KLF12: variants seen among roughly 807,000 people sequenced by gnomAD.
KLF12 encodes KLF transcription factor 12.
Under a neutral mutation model 37.8 loss-of-function variants are expected in KLF12, and 9 were observed. That is an observed-to-expected ratio of 0.24 (90% confidence interval 0.14 to 0.42). KLF12 has a LOEUF of 0.42. KLF12 is among the 10% of genes least tolerant of loss of function. The pLI, the probability that KLF12 is intolerant of heterozygous loss-of-function variation, is 1.00. For missense variants in KLF12, 411 were observed against 516.0 expected (o/e 0.80, Z 1.97); for synonymous variants, 208 against 202.1 (o/e 1.03, Z -0.25).
At chr13:73,935,279 G>A (rs923093404) in intron 3 of KLF12, among the ~76,000 whole-genome samples, 6 of 152,050 alleles carry the variant, frequency 3.9e-5, no homozygotes, top group Admixed American at 1.3e-4. Flanking sequence ...ATGAGCCATC[G>A]TGCCCGGCCT....
intron 1 of KLF12, among the ~76,000 whole-genome samples, chr13:74,018,118 C>T (rs1346639998): frequency 1.3e-5 from 2 of 150,582 alleles, no homozygotes; most frequent in Admixed American, 6.6e-5. Flanking sequence ...AATATACACA[C>T]GATTCAGCCA....
At chr13:74,046,543 A>C (rs1893548533) in intron 1 of KLF12, among the ~76,000 whole-genome samples, 1 of 152,132 alleles carries the variant, frequency 6.6e-6, no homozygotes, top group South Asian at 2.1e-4. Context: ...TCCAGGAAAA[A>C]AGAAGAAAGG....
At chr13:74,062,657 G>C (rs1873668976) in intron 1 of KLF12, among the ~76,000 whole-genome samples, 1 of 152,102 alleles carries the variant, frequency 6.6e-6, no homozygotes, top group African/African-American at 2.4e-5. Flanking sequence ...TATTCAATTT[G>C]TCTTCAATAT....
rs1303260365 is a variant in KLF12, at chr13:73,784,625, C to A, written c.807-19625G>T. Among the ~76,000 whole-genome samples, 3 of 150,112 alleles carry A rather than the reference C, an allele frequency of 2.0e-5. No homozygotes were observed. In the Admixed American group the frequency reaches 2.0e-4, roughly 10 times the overall value. On this transcript the variant is annotated intron_variant, in intron 5 of 7. Transcript: ENST00000377669. ...CTCCAGCATCTCTGACATACTTCCTCATCTCCTTTTTTTTTTTTTTTTTGA... is the reference window on the plus strand; with the variant it reads ...CTCCAGCATCTCTGACATACTTCCTAATCTCCTTTTTTTTTTTTTTTTTGA...
the KLF12 span, among the ~76,000 whole-genome samples, chr13:74,293,634 T>C: frequency 6.6e-6 from 1 of 152,216 alleles, no homozygotes; most frequent in East Asian, 1.9e-4. Flanking sequence ...TGAAGGACTA[T>C]ATAAGATGGC....
At chr13:73,905,742 A>ATT (rs35828099) in intron 3 of KLF12, among the ~76,000 whole-genome samples, 9 of 149,710 alleles carry the variant, frequency 6.0e-5, no homozygotes, top group Non-Finnish European at 8.9e-5. Flanking sequence ...TGTGCAATAC[A>ATT]TTTTTTTTTC....
chr13:73,800,530 T>A (rs1179452792), intron 5 of KLF12: 1 of 152,056 alleles, frequency 6.6e-6, no homozygotes, highest in Non-Finnish European at 1.5e-5. Context: ...AAGCTCTCCT[T>A]CTGCTAGGAG....
intron 4 of KLF12, among the ~76,000 whole-genome samples, chr13:73,835,121 C>T (rs1356691096): frequency 6.7e-6 from 1 of 149,030 alleles, no homozygotes; most frequent in Admixed American, 6.7e-5. Flanking sequence ...TTCATACTCT[C>T]GAAGTCTAAA....
At chr13:74,221,184 T>G in the KLF12 span, among the ~76,000 whole-genome samples, 3 of 152,118 alleles carry the variant, frequency 2.0e-5, no homozygotes, top group Non-Finnish European at 2.9e-5. Context: ...TTTTTTGTAT[T>G]TTTCGTAGAG....
At chr13:73,742,853 CTTCTT>C (rs1208464652) in intron 6 of KLF12, among the ~76,000 whole-genome samples, 1 of 152,128 alleles carries the variant, frequency 6.6e-6, no homozygotes, top group Non-Finnish European at 1.5e-5. Flanking sequence ...CAACTTGCTC[CTTCTT>C]TTAAGAAAAT....
intron 1 of KLF12, among the ~76,000 whole-genome samples, chr13:74,087,338 A>T (rs7986208): frequency 0.052 from 7,529 of 145,942 alleles, 596 homozygotes; most frequent in African/African-American, 0.18. Context: ...TTTAAAAAAA[A>T]TTTTTTTTTT....
chr13:73,850,510 T>C (rs1195824285), intron 3 of KLF12, among the ~76,000 whole-genome samples: 1 of 152,196 alleles, frequency 6.6e-6, no homozygotes, highest in Non-Finnish European at 1.5e-5. Context: ...TAAATGATGG[T>C]CGTATATTTT....
intron 1 of KLF12, among the ~76,000 whole-genome samples, chr13:74,036,287 T>C (rs1321185404): frequency 6.6e-6 from 1 of 152,214 alleles, no homozygotes; most frequent in African/African-American, 2.4e-5. Context: ...GAAGAGACTC[T>C]TAGTTCTTCA....
chr13:73,738,021 A>AC (rs35660321), intron 6 of KLF12, among the ~76,000 whole-genome samples: 1,971 of 34,130 alleles, frequency 0.058, 29 homozygotes, highest in South Asian at 0.093. Flanking sequence ...TTCATTCAAC[A>AC]AACACACACA....
intron 5 of KLF12, among the ~76,000 whole-genome samples, chr13:73,767,103 T>A (rs904707609): frequency 6.6e-6 from 1 of 152,362 alleles, no homozygotes; most frequent in Middle Eastern, 3.4e-3. Flanking sequence ...ACTTGGCACA[T>A]ACTTCATCTG....
intron 1 of KLF12, among the ~76,000 whole-genome samples, chr13:74,014,621 T>C (rs1892641940): frequency 6.6e-6 from 1 of 152,256 alleles, no homozygotes. Context: ...GTATATTTAA[T>C]ATTCCAGTAG....
chr13:74,002,400 G>T (rs969318431), intron 1 of KLF12, among the ~76,000 whole-genome samples: 6 of 152,022 alleles, frequency 3.9e-5, no homozygotes, highest in South Asian at 2.1e-4. Flanking sequence ...TTCGAGACAG[G>T]GTCTCACTCT....
chr13:73,721,516 T>A (rs553967448), intron 6 of KLF12, among the ~76,000 whole-genome samples: 1 of 152,338 alleles, frequency 6.6e-6, no homozygotes, highest in South Asian at 2.1e-4. Context: ...ACACTTACTA[T>A]TAATCTACCA....
intron 4 of KLF12, among the ~76,000 whole-genome samples, chr13:73,823,145 T>A (rs893025960): frequency 6.6e-6 from 1 of 152,202 alleles, no homozygotes; most frequent in Non-Finnish European, 1.5e-5. Context: ...GTTGCCCCTA[T>A]CTGTGTTTTC....
Sources: gnomAD v4.1 joint callset for allele counts (sites outside exome capture counted in the v4.1 genomes callset) on GRCh38, gnomAD v4.1.1 for gene constraint, MANE v1.5 for transcripts, NCBI Gene and HGNC (gene_info 2026-07-23, HGNC 2026-07-21) for gene names.